Variants in SCAF4 observed in about 807,000 individuals in gnomAD.
SCAF4 encodes the protein SR-related CTD associated factor 4, also known as SR-related and CTD-associated factor 4.
Under a neutral mutation model 129.8 loss-of-function variants are expected in SCAF4, and 25 were observed. That is an observed-to-expected ratio of 0.19 (90% CI 0.14 to 0.27). SCAF4 has a LOEUF of 0.27. SCAF4 is among the 10% of genes least tolerant of loss of function. The probability of loss-of-function intolerance (pLI) is 1.00; values close to 1 mark genes in which losing one functional copy is unlikely to be tolerated. For missense variants in SCAF4, 1,246 were observed against 1,457.1 expected (o/e 0.86, Z 2.36); for synonymous variants, 551 against 497.7 (o/e 1.11, Z -1.43).
At chr21:31,693,543 A>C (rs1354564951) in intron 11 of SCAF4, 59 bp from the exon 12 acceptor site, 1 of 1,128,184 alleles carries the variant, frequency 8.9e-7, no homozygotes, top group Non-Finnish European at 1.2e-6. Flanking sequence ...AGAAAATATA[A>C]GCACATACTA....
chr21:31,731,568 C>A, intron 1 of SCAF4, 95 bp downstream of exon 1: 1 of 1,425,686 alleles, frequency 7.0e-7, no homozygotes, highest in Non-Finnish European at 9.6e-7. Flanking sequence ...GAAGCGTCCC[C>A]ACCCGGACCA....
intron 7 of SCAF4, among the ~76,000 whole-genome samples, chr21:31,697,703 G>T (rs923454600): frequency 3.9e-5 from 6 of 152,212 alleles, no homozygotes; most frequent in Non-Finnish European, 8.8e-5. Flanking sequence ...TCTGCCTAGA[G>T]ATTCTGGTTT....
chr21:31,690,845 C>G lies in SCAF4; in HGVS notation c.1837G>C (p.Glu613Gln). ...PWDKVKPEEL[E>Q]SFCEGGMLDS... ...AACATTCCTCCTTCACAAAAACTCT[C>G]CAGTTCCTCAGGCTTGACTTTGTCC... The change falls in exon 15 of 20, where the codon GAG (glutamate) becomes CAG (glutamine). Residue 613 changes from glutamate (E) to glutamine (Q), a missense_variant. Glu to Gln is a conservative substitution (Grantham distance 29). Coordinates refer to ENST00000286835, the MANE Select transcript of SCAF4 (RefSeq NM_020706.2). 1 of 1,613,892 alleles carries G rather than the reference C, an allele frequency of 6.2e-7. No homozygotes were observed. Among genetic ancestry groups the G allele is most frequent in the Non-Finnish European group, 8.5e-7 (1 of 1,179,894 alleles).
Position 31,671,862 on chromosome 21 carries a change from C to A in SCAF4, c.2981G>T (p.Gly994Val), listed in dbSNP as rs766749843. Residue 994 changes from glycine (G) to valine (V), a missense_variant, in exon 20 of 20, where the codon GGT becomes GTT. By Grantham distance (109) the Gly-to-Val change is moderately radical (BLOSUM62 -3). Coordinates refer to ENST00000286835, the MANE Select transcript of SCAF4 (RefSeq NM_020706.2). ...RNDNRQQFNS[G>V]RDQERFGRRS... is the part of the protein sequence containing the mutation. The stretch of plus-strand genomic sequence containing the variant: ...TCTTCCAAACCTTTCTTGGTCTCTA[C>A]CTGAATTGAACTGCTGCCTGTTATC... The A allele has an allele frequency of 1.9e-6, 3 of 1,614,228 alleles. No homozygotes were observed. The South Asian group carries it at 3.3e-5, about 18-fold the overall frequency.
At chr21:31,718,456 T>C (rs1031890984) in intron 1 of SCAF4, among the ~76,000 whole-genome samples, 1 of 152,110 alleles carries the variant, frequency 6.6e-6, no homozygotes, top group East Asian at 1.9e-4. Flanking sequence ...TAGAGAAAAT[T>C]TACAAAGCTT....
rs181035519 is a variant in SCAF4, at chr21:31,710,686, T to C, written c.31-4329A>G. The stretch of plus-strand genomic sequence containing the variant: ...TAGAATCCCAGAAATTAGAGACATC[T>C]GGCATAGCCAAATGCTACAAGAGGT... On this transcript the variant is annotated intron_variant, in intron 1 of 19. Coordinates refer to ENST00000286835, the MANE Select transcript of SCAF4 (RefSeq NM_020706.2). Among the ~76,000 whole-genome samples, 53 of 152,346 alleles carry C rather than the reference T, an allele frequency of 3.5e-4. 1 individual carries two copies. The highest frequency in any genetic ancestry group is 1.2e-3 in the African/African-American group (49 of 41,582).
intron 1 of SCAF4, among the ~76,000 whole-genome samples, chr21:31,708,795 C>A (rs377583524): frequency 2.6e-5 from 4 of 152,136 alleles, no homozygotes; most frequent in African/African-American, 9.7e-5. Context: ...GTGATTCATG[C>A]CAAACACTTA....
intron 3 of SCAF4, among the ~76,000 whole-genome samples, chr21:31,704,265 G>C (rs931653777): frequency 6.6e-6 from 1 of 151,886 alleles, no homozygotes; most frequent in African/African-American, 2.4e-5. Flanking sequence ...AATTCACCCT[G>C]CTCAAAAAGG....
At chr21:31,730,303 T>C (rs1326400007) in intron 1 of SCAF4, among the ~76,000 whole-genome samples, 2 of 152,220 alleles carry the variant, frequency 1.3e-5, no homozygotes, top group Admixed American at 6.5e-5. Flanking sequence ...GGACATATTA[T>C]TTTTATTGTT....
At chr21:31,731,296 C>T (rs1161072758) in intron 1 of SCAF4, among the ~76,000 whole-genome samples, 4 of 152,218 alleles carry the variant, frequency 2.6e-5, no homozygotes, top group South Asian at 2.1e-4. Flanking sequence ...CCTTTGCGGG[C>T]TCCCGGCACT....
intron 1 of SCAF4, among the ~76,000 whole-genome samples, chr21:31,728,878 T>C (rs994652906): frequency 2.0e-5 from 3 of 152,204 alleles, no homozygotes; most frequent in African/African-American, 7.2e-5. Flanking sequence ...CTCTACTAAG[T>C]AGGCTTTTGA....
At chr21:31,705,898 A>G (rs2050647931) in intron 2 of SCAF4, among the ~76,000 whole-genome samples, 2 of 152,208 alleles carry the variant, frequency 1.3e-5, no homozygotes, top group Non-Finnish European at 2.9e-5. Context: ...TAAGGAATAA[A>G]TGAAAATTTA....
intron 1 of SCAF4, among the ~76,000 whole-genome samples, chr21:31,725,163 C>G (rs2051171278): frequency 6.6e-6 from 1 of 152,284 alleles, no homozygotes; most frequent in Admixed American, 6.5e-5. Flanking sequence ...CGACCTGGTC[C>G]TCTACATCTT....
At chr21:31,703,949 T>A in intron 3 of SCAF4, 23 bp from the exon 4 acceptor site, 1 of 1,471,394 alleles carries the variant, frequency 6.8e-7, no homozygotes, top group Non-Finnish European at 9.2e-7. Context: ...AGATGTAAGA[T>A]CAGTACAGAA....
intron 19 of SCAF4, among the ~76,000 whole-genome samples, chr21:31,678,060 T>C (rs2049903845): frequency 6.6e-6 from 1 of 152,130 alleles, no homozygotes; most frequent in Non-Finnish European, 1.5e-5. Context: ...ATTTACATTT[T>C]CTCCTTAGGT....
At chr21:31,679,208 C>T (rs888346544) in intron 19 of SCAF4, among the ~76,000 whole-genome samples, 2 of 152,182 alleles carry the variant, frequency 1.3e-5, no homozygotes, top group Admixed American at 6.5e-5. Flanking sequence ...TTGATTTGAT[C>T]TCTACAGAAT....
At chr21:31,676,551 T>C (rs2833477) in intron 19 of SCAF4, among the ~76,000 whole-genome samples, 35,900 of 152,094 alleles carry the variant, frequency 0.24, 5,859 homozygotes, top group East Asian at 0.54. Flanking sequence ...ATTTCTGTAA[T>C]TACAACCCAA....
intron 1 of SCAF4, among the ~76,000 whole-genome samples, chr21:31,718,007 G>T (rs924812527): frequency 2.6e-5 from 4 of 151,602 alleles, no homozygotes; most frequent in Non-Finnish European, 5.9e-5. Flanking sequence ...GCAATGGCGC[G>T]ATCTCGGCTC....
At chr21:31,702,044 C>A in intron 5 of SCAF4, 126 bp from the exon 6 acceptor site, 1 of 1,307,402 alleles carries the variant, frequency 7.6e-7, no homozygotes, top group Non-Finnish European at 1.1e-6. Flanking sequence ...GATTGTGGCA[C>A]TAGAGTTTAT....
Sources: gnomAD v4.1 joint callset for allele counts (sites outside exome capture counted in the v4.1 genomes callset) on GRCh38, gnomAD v4.1.1 for gene constraint, MANE v1.5 for transcripts, NCBI Gene and HGNC (gene_info 2026-07-23, HGNC 2026-07-21) for gene names.